The following LIN9 variants were observed in gnomAD, a reference collection of about 807,000 sequenced individuals.
LIN9 encodes protein lin-9 homolog.
LIN9 carries 18 observed loss-of-function variants against 78.0 expected under a neutral mutation model. The observed-to-expected ratio is 0.23, with a 90% CI of 0.16 to 0.34. The LOEUF (loss-of-function observed/expected upper bound fraction) is 0.34, where lower values mean the gene tolerates loss of function less well. LIN9 is among the 10% of genes least tolerant of loss of function. LIN9 has a pLI of 1.00. For missense variants in LIN9, 451 were observed against 644.1 expected, an observed-to-expected ratio of 0.70 and a Z score of 3.25; for synonymous variants, 192 against 215.2, an observed-to-expected ratio of 0.89 and a Z score of 0.94.
At chr1:226,266,431 T>A in intron 8 of LIN9, 99 bp from the exon 9 acceptor site, 1 of 890,366 alleles carries the variant, frequency 1.1e-6, no homozygotes, top group Non-Finnish European at 1.6e-6. Flanking sequence ...TTCACGCATA[T>A]TCTATGATTC....
chr1:226,266,610 G>T (rs1321034340), intron 8 of LIN9, among the ~76,000 whole-genome samples: 1 of 151,428 alleles, frequency 6.6e-6, no homozygotes, highest in Non-Finnish European at 1.5e-5. Flanking sequence ...GGTCAAAATA[G>T]TTCAGAGAAT....
intron 1 of LIN9, among the ~76,000 whole-genome samples, chr1:226,301,717 A>G (rs1006628455): frequency 2.0e-5 from 3 of 152,218 alleles, no homozygotes; most frequent in Non-Finnish European, 4.4e-5. Flanking sequence ...GGAATACAGA[A>G]TGGCCAAGAG....
chr1:226,238,949 G>A, intron 12 of LIN9, 22 bp downstream of exon 12: 3 of 1,593,392 alleles, frequency 1.9e-6, no homozygotes, highest in South Asian at 1.1e-5. Flanking sequence ...AATATGGAGG[G>A]AAATCTATAC....
chr1:226,233,972 G>C (rs778478453), intron 12 of LIN9, among the ~76,000 whole-genome samples: 8 of 152,178 alleles, frequency 5.3e-5, no homozygotes, highest in African/African-American at 1.9e-4. Context: ...CCCCAATGTG[G>C]GTTTGTTTGT....
At chr1:226,294,076 G>C (rs1661965821) in intron 4 of LIN9, among the ~76,000 whole-genome samples, 1 of 152,052 alleles carries the variant, frequency 6.6e-6, no homozygotes, top group Non-Finnish European at 1.5e-5. Flanking sequence ...AGGAGGCTGA[G>C]GTGAGTGGAT....
intron 7 of LIN9, among the ~76,000 whole-genome samples, chr1:226,269,497 G>C (rs1285147786): frequency 6.6e-6 from 1 of 152,190 alleles, no homozygotes; most frequent in Non-Finnish European, 1.5e-5. Context: ...TGTTGAAGAA[G>C]TGCTAGAGCT....
At chr1:226,243,695 CA>C (rs532381607) in intron 11 of LIN9, among the ~76,000 whole-genome samples, 1,184 of 35,390 alleles carry the variant, frequency 0.033, 2 homozygotes, top group African/African-American at 0.076. Flanking sequence ...GACTCCGTCT[CA>C]AAAAAAAAAA....
chr1:226,244,865 T>C (rs998766279), intron 11 of LIN9, among the ~76,000 whole-genome samples: 1 of 152,236 alleles, frequency 6.6e-6, no homozygotes, highest in African/African-American at 2.4e-5. Flanking sequence ...AATTAACTTA[T>C]ATTCCCACCT....
upstream of LIN9, chr1:226,309,184 G>C: frequency 1.4e-6 from 2 of 1,443,422 alleles, no homozygotes; most frequent in Non-Finnish European, 1.8e-6. Context: ...CCGCCGCGGT[G>C]CATTGTGGGG....
At chr1:226,272,674 C>T (rs1660376321) in intron 7 of LIN9, among the ~76,000 whole-genome samples, 1 of 151,424 alleles carries the variant, frequency 6.6e-6, no homozygotes, top group African/African-American at 2.4e-5. Flanking sequence ...TCTAGACTTG[C>T]TGGCTCCTTG....
intron 10 of LIN9, among the ~76,000 whole-genome samples, chr1:226,259,948 T>TTAAC (rs35377191): frequency 6.8e-5 from 10 of 147,164 alleles, no homozygotes; most frequent in Non-Finnish European, 1.5e-4. Flanking sequence ...AAACAGAAAA[T>TTAAC]AGAAAAAAAT....
At chr1:226,269,947 G>A (rs1576317508) in intron 7 of LIN9, among the ~76,000 whole-genome samples, 1 of 151,984 alleles carries the variant, frequency 6.6e-6, no homozygotes, top group Non-Finnish European at 1.5e-5. Flanking sequence ...TTTTGAGATG[G>A]GAGTCTCGCT....
chr1:226,254,075 G>A (rs1659032512), intron 10 of LIN9, among the ~76,000 whole-genome samples: 1 of 152,118 alleles, frequency 6.6e-6, no homozygotes, highest in African/African-American at 2.4e-5. Context: ...GGGACTACAG[G>A]GGCGTATCAC....
chr1:226,279,849 CAG>C (rs1660931617), intron 6 of LIN9, among the ~76,000 whole-genome samples: 1 of 147,302 alleles, frequency 6.8e-6, no homozygotes, highest in Admixed American at 6.8e-5. Flanking sequence ...TTTTAAAAAA[CAG>C]GACCTTCCAA....
rs1658096128 is a variant in LIN9, at chr1:226,241,336, T to C, written c.1120-2240A>G. Among the ~76,000 whole-genome samples the C allele has an allele frequency of 2.0e-5, 3 of 152,140 alleles. No homozygotes were observed. The South Asian group carries it at 6.2e-4, about 32-fold the overall frequency. ...ACATAAATTATAACTAAGTATTTGA[T>C]CAAGCCTCTTCTCGGGGAAAAGTGT... is the stretch of plus-strand genomic sequence containing the variant. On this transcript the variant is annotated intron_variant, in intron 11 of 14. Transcript: ENST00000681046.
At chr1:226,243,539 A>T (rs1237194533) in intron 11 of LIN9, among the ~76,000 whole-genome samples, 1 of 151,914 alleles carries the variant, frequency 6.6e-6, no homozygotes, top group Non-Finnish European at 1.5e-5. Flanking sequence ...TACTAAAAAT[A>T]CACAAAATTA....
chr1:226,305,024 G>A (rs1662813520), intron 1 of LIN9, among the ~76,000 whole-genome samples: 1 of 151,922 alleles, frequency 6.6e-6, no homozygotes, highest in African/African-American at 2.4e-5. Context: ...ACAAAAGTTA[G>A]CCGGGCTTGG....
chr1:226,263,926 TA>T (rs1410521595), intron 10 of LIN9, among the ~76,000 whole-genome samples: 1 of 151,886 alleles, frequency 6.6e-6, no homozygotes, highest in Non-Finnish European at 1.5e-5. Context: ...ATAAAAAATA[TA>T]TTAGCTGGGA....
intron 10 of LIN9, among the ~76,000 whole-genome samples, chr1:226,257,056 C>A (rs529958937): frequency 6.6e-6 from 1 of 151,612 alleles, no homozygotes; most frequent in Non-Finnish European, 1.5e-5. Flanking sequence ...CAGGTCCAAG[C>A]GATTCTCGTG....
Sources: gnomAD v4.1 joint callset for allele counts (sites outside exome capture counted in the v4.1 genomes callset) on GRCh38, gnomAD v4.1.1 for gene constraint, MANE v1.5 for transcripts, NCBI Gene and HGNC (gene_info 2026-07-23, HGNC 2026-07-21) for gene names.